VTA1: variants seen among roughly 807,000 people sequenced by gnomAD.
VTA1 encodes vesicle trafficking 1, also known as vacuolar protein sorting-associated protein VTA1 homolog.
In VTA1, 24 loss-of-function variants were observed where a neutral mutation model predicts 36.9. The ratio of observed to expected loss-of-function variants is 0.65; its 90% CI spans 0.47 to 0.91. The LOEUF is 0.91. Among genes scored for constraint, VTA1 ranks in the 40% least tolerant of loss-of-function variants. VTA1 has a pLI of 0.00. For synonymous variants in VTA1, 142 were observed against 130.2 expected (o/e 1.09, Z -0.62); for missense variants, 393 against 377.2 (o/e 1.04, Z -0.35).
In VTA1 at chr6:142,187,290, A is replaced by G. The variant is rs556345775; in HGVS notation, c.412-2136A>G. ...GTGTCACAAAAACTAGAGATAGAGAAGGTTTCACAAAGATTGGCATAGTCC... is the reference window on the plus strand; with the variant it reads ...GTGTCACAAAAACTAGAGATAGAGAGGGTTTCACAAAGATTGGCATAGTCC... On this transcript the variant is annotated intron_variant, in intron 4 of 7. Transcript: ENST00000367630. 1.7e-4 allele frequency among the ~76,000 whole-genome samples: 26 copies of G among 152,318 alleles called. No homozygotes were observed. The South Asian group carries it at 3.9e-3, about 23-fold the overall frequency.
chr6:142,198,122 T>TGTGTGTGTGG (rs1775600525), intron 5 of VTA1, among the ~76,000 whole-genome samples: 1 of 42,794 alleles, frequency 2.3e-5, no homozygotes, highest in African/African-American at 6.7e-5. Context: ...TATATATATG[T>TGTGTGTGTGG]GTGTGTGTGT....
At chr6:142,202,461 T>C (rs547580838) in intron 6 of VTA1, among the ~76,000 whole-genome samples, 2 of 152,136 alleles carry the variant, frequency 1.3e-5, no homozygotes, top group South Asian at 4.1e-4. Flanking sequence ...CTTTATAAGC[T>C]ATGCATGCAG....
chr6:142,188,389 A>G (rs1775388182), intron 4 of VTA1, among the ~76,000 whole-genome samples: 1 of 147,924 alleles, frequency 6.8e-6, no homozygotes, highest in African/African-American at 2.5e-5. Context: ...TAATTTTTGT[A>G]TTTTCAATAG....
chr6:142,156,106 A>G (rs1778656227), intron 1 of VTA1, among the ~76,000 whole-genome samples: 1 of 152,192 alleles, frequency 6.6e-6, no homozygotes, highest in African/African-American at 2.4e-5. Flanking sequence ...GACAACTAGC[A>G]TTCCTGTAGC....
intron 4 of VTA1, among the ~76,000 whole-genome samples, chr6:142,172,981 A>G (rs1163647014): frequency 1.3e-5 from 2 of 150,798 alleles, no homozygotes; most frequent in Admixed American, 6.6e-5. Flanking sequence ...AAAAAAAAAG[A>G]AAAAAAAACT....
Position 142,223,896 on chromosome 6 carries a change from C to T in VTA1, c.*5253C>T, listed in dbSNP as rs2114698007. 1 of 150,940 alleles carries T rather than the reference C, an allele frequency of 6.6e-6. No individual in the cohort carries two copies. Among genetic ancestry groups the T allele is most frequent in the South Asian group, 2.1e-4 (1 of 4,740 alleles). 9.4% of individuals were successfully genotyped at this position (150,940 alleles called of 1,614,324 possible). On this transcript the variant is annotated 3_prime_UTR_variant, in exon 8 of 8. Coordinates refer to ENST00000367630, the MANE Select transcript of VTA1 (RefSeq NM_016485.5). ...AACACCATGGAGGAACAAATGTGGG[C>T]AATTCAGGTAACTCGAGTAATTTAG...
chr6:142,161,261 C>T (rs1252053323), intron 1 of VTA1, among the ~76,000 whole-genome samples: 1 of 152,062 alleles, frequency 6.6e-6, no homozygotes, highest in East Asian at 1.9e-4. Context: ...ACATTCAGTT[C>T]TATTTTTTGG....
intron 1 of VTA1, among the ~76,000 whole-genome samples, chr6:142,148,907 T>A (rs1778512155): frequency 6.6e-6 from 1 of 152,150 alleles, no homozygotes; most frequent in Admixed American, 6.5e-5. Flanking sequence ...CTATTGTGAC[T>A]GGAGTGGATG....
Position 142,152,192 on chromosome 6 carries a change from G to A in VTA1, c.112+4793G>A, listed in dbSNP as rs1055120686. ...TCTGCATCCTACAATAAATAAGAAG[G>A]CTCTGATTGAAAGAAGATGATGAAT... On this transcript the variant is annotated intron_variant, in intron 1 of 7. Transcript: ENST00000367630. 3.9e-5 allele frequency among the ~76,000 whole-genome samples: 6 copies of A among 151,980 alleles called. 1 individual carries two copies. Among genetic ancestry groups the A allele is most frequent in the South Asian group, 4.1e-4 (2 of 4,820 alleles).
intron 1 of VTA1, among the ~76,000 whole-genome samples, chr6:142,160,778 C>T (rs1487152515): frequency 6.6e-6 from 1 of 152,094 alleles, no homozygotes; most frequent in East Asian, 1.9e-4. Flanking sequence ...GTTACTTCAT[C>T]AAGGCCAGAA....
intron 6 of VTA1, among the ~76,000 whole-genome samples, chr6:142,200,123 A>G (rs1775650978): frequency 6.6e-6 from 1 of 152,128 alleles, no homozygotes; most frequent in African/African-American, 2.4e-5. Context: ...GCTAAAGCAT[A>G]AACTCAGCTG....
intron 6 of VTA1, among the ~76,000 whole-genome samples, chr6:142,201,652 C>T (rs1012430221): frequency 2.0e-5 from 3 of 151,878 alleles, no homozygotes; most frequent in Admixed American, 2.0e-4. Context: ...TAAAATGCAG[C>T]TCACTTCATA....
intron 6 of VTA1, 77 bp from the exon 7 acceptor site, chr6:142,203,908 G>A (rs1490942848): frequency 8.3e-7 from 1 of 1,199,392 alleles, no homozygotes; most frequent in Non-Finnish European, 1.2e-6. Context: ...ATTGCCTCAT[G>A]ATTTTTAAGT....
At chr6:142,202,519 C>A (rs186137109) in intron 6 of VTA1, among the ~76,000 whole-genome samples, 1 of 151,836 alleles carries the variant, frequency 6.6e-6, no homozygotes, top group Non-Finnish European at 1.5e-5. Context: ...CAGATTTATA[C>A]GTATTAATCT....
chr6:142,153,299 A>G (rs1338244701), intron 1 of VTA1, among the ~76,000 whole-genome samples: 1 of 151,962 alleles, frequency 6.6e-6, no homozygotes, highest in Non-Finnish European at 1.5e-5. Context: ...AACCTGTAAA[A>G]CTTATCTGTC....
chr6:142,212,862 A>G (rs225704), intron 7 of VTA1, among the ~76,000 whole-genome samples: 58,268 of 151,994 alleles, frequency 0.38, 13,276 homozygotes, highest in Middle Eastern at 0.54. Flanking sequence ...ATCAGCCCCC[A>G]TGATCCAGTT....
At chr6:142,159,702 A>G (rs2114634915) in intron 1 of VTA1, among the ~76,000 whole-genome samples, 1 of 151,678 alleles carries the variant, frequency 6.6e-6, no homozygotes, top group East Asian at 1.9e-4. Context: ...TTTAGTAGAG[A>G]CAGGGTTTCA....
chr6:142,151,489 A>G (rs1241950199), intron 1 of VTA1, among the ~76,000 whole-genome samples: 1 of 152,224 alleles, frequency 6.6e-6, no homozygotes, highest in Non-Finnish European at 1.5e-5. Flanking sequence ...CATCCAAACA[A>G]GCTCCTGCAA....
In VTA1 at chr6:142,208,085, C is replaced by CAAA. The variant is rs567010868; in HGVS notation, c.778+4041_778+4043dup. 7.0e-5 allele frequency among the ~76,000 whole-genome samples: 7 copies of CAAA among 99,428 alleles called. 1 individual carries two copies. Among genetic ancestry groups the CAAA allele is most frequent in the African/African-American group, 2.4e-4 (6 of 24,678 alleles). The allele number at this position is 99,428 out of a possible 152,430, so 65.2% of individuals were successfully genotyped here. A position where few individuals can be genotyped will look rare whatever the true frequency, so the allele number is the denominator to read the frequency against. On this transcript the variant is annotated intron_variant, in intron 7 of 7. Transcript: ENST00000367630. ...GCCTGGGTGACAGTGAGACTTCCAT[C>CAAA]AAAAAAAAAAAAAAAAAAAAAAATC...
Sources: allele counts gnomAD v4.1 joint callset (sites outside exome capture counted in the v4.1 genomes callset), GRCh38; gene constraint gnomAD v4.1.1; transcripts MANE v1.5; gene names NCBI Gene and HGNC (gene_info 2026-07-23, HGNC 2026-07-21).